The following VEGFC variants were observed in gnomAD, a reference collection of about 807,000 sequenced individuals.
The protein encoded by VEGFC is FLT4 ligand DHM.
Under a neutral mutation model 46.1 loss-of-function variants are expected in VEGFC, and 12 were observed. The ratio of observed to expected loss-of-function variants is 0.26; its 90% confidence interval spans 0.17 to 0.42. The LOEUF is 0.42. VEGFC is among the 10% of genes least tolerant of loss of function. VEGFC has a pLI of 1.00. For missense variants in VEGFC, 488 were observed against 529.4 expected (o/e 0.92, Z 0.77); for synonymous variants, 232 against 195.5 (o/e 1.19, Z -1.56).
intron 3 of VEGFC, among the ~76,000 whole-genome samples, chr4:176,716,603 A>G (rs1007912851): frequency 2.7e-5 from 4 of 149,902 alleles, no homozygotes; most frequent in Non-Finnish European, 4.4e-5. Flanking sequence ...AAAAAAAAAA[A>G]AAAGAAAAAG....
intron 4 of VEGFC, among the ~76,000 whole-genome samples, chr4:176,698,700 C>G (rs1411931056): frequency 2.0e-5 from 3 of 152,064 alleles, no homozygotes; most frequent in Non-Finnish European, 4.4e-5. Context: ...TTGTCACACT[C>G]TAACATTTCC....
chr4:176,713,543 T>C (rs1410302373), intron 3 of VEGFC, among the ~76,000 whole-genome samples: 1 of 152,162 alleles, frequency 6.6e-6, no homozygotes, highest in Non-Finnish European at 1.5e-5. Context: ...ATAATGTAGA[T>C]GGTAGGAAGG....
intron 4 of VEGFC, among the ~76,000 whole-genome samples, chr4:176,695,777 C>T (rs1378937904): frequency 1.3e-5 from 2 of 151,988 alleles, no homozygotes; most frequent in African/African-American, 4.8e-5. Flanking sequence ...AAAGCTTATC[C>T]ACCATGATCA....
intron 4 of VEGFC, among the ~76,000 whole-genome samples, chr4:176,707,488 C>A (rs1049162758): frequency 6.6e-6 from 1 of 151,834 alleles, no homozygotes; most frequent in Non-Finnish European, 1.5e-5. Context: ...GGGTTGAGAC[C>A]AATATTTTCA....
At chr4:176,748,103 G>T (rs532735186) in intron 1 of VEGFC, among the ~76,000 whole-genome samples, 1 of 152,172 alleles carries the variant, frequency 6.6e-6, no homozygotes, top group Non-Finnish European at 1.5e-5. Context: ...TGCCAAGACT[G>T]CAGCAAACTG....
chr4:176,736,218 A>C (rs1042610012), intron 1 of VEGFC, among the ~76,000 whole-genome samples: 1 of 151,854 alleles, frequency 6.6e-6, no homozygotes, highest in Non-Finnish European at 1.5e-5. Context: ...CTGTTTCTTA[A>C]AGTTCCCCCA....
intron 3 of VEGFC, among the ~76,000 whole-genome samples, chr4:176,716,298 G>A (rs997992753): frequency 3.9e-5 from 6 of 151,940 alleles, no homozygotes; most frequent in East Asian, 3.9e-4. Flanking sequence ...CAATGAGGGC[G>A]GGGCATGGTG....
intron 1 of VEGFC, among the ~76,000 whole-genome samples, chr4:176,772,968 CT>C (rs1469240291): frequency 2.6e-5 from 4 of 152,160 alleles, no homozygotes; most frequent in Non-Finnish European, 5.9e-5. Flanking sequence ...ATTCATTCTC[CT>C]TTCCTTCTTT....
In VEGFC at chr4:176,741,927, A is replaced by G. The variant is rs535095840; in HGVS notation, c.148-12181T>C. Among the ~76,000 whole-genome samples the G allele has an allele frequency of 7.9e-5, 12 of 152,118 alleles. No homozygotes were observed. In the East Asian group the frequency reaches 2.1e-3, roughly 27 times the overall value. On this transcript the variant is annotated intron_variant, in intron 1 of 6. Coordinates refer to ENST00000618562, the MANE Select transcript of VEGFC (RefSeq NM_005429.5). ...TTAAGAGGAAAATAGCGATATGCAG[A>G]TCAGAAATATTAATTCAAACCCTAG...
intron 1 of VEGFC, among the ~76,000 whole-genome samples, chr4:176,747,613 G>C (rs907200610): frequency 1.3e-5 from 2 of 151,882 alleles, no homozygotes; most frequent in African/African-American, 4.8e-5. Context: ...GCAATACAGC[G>C]AGACCCCCAT....
In VEGFC at chr4:176,711,481, G is replaced by C; in HGVS notation, c.704+18C>G. On this transcript the variant is annotated intron_variant, in intron 4 of 6. Coordinates refer to ENST00000618562, the MANE Select transcript of VEGFC (RefSeq NM_005429.5). ...ATTAGTAGAGGATGCAGAAAAAATA[G>C]ATTTAATTCATACTCACTGTGGTAG... 1 of 1,592,246 alleles carries C rather than the reference G, an allele frequency of 6.3e-7. No individual in the cohort carries two copies. Among genetic ancestry groups the C allele is most frequent in the Non-Finnish European group, 8.5e-7 (1 of 1,170,718 alleles).
At chr4:176,791,883 T>C (rs1736099648) in intron 1 of VEGFC, among the ~76,000 whole-genome samples, 1 of 152,190 alleles carries the variant, frequency 6.6e-6, no homozygotes, top group Non-Finnish European at 1.5e-5. Context: ...CAAGACCCCT[T>C]GGTTGCCCCA....
chr4:176,688,078 C>A, intron 4 of VEGFC, 151 bp from the exon 5 acceptor site: 1 of 536,636 alleles, frequency 1.9e-6, no homozygotes, highest in Non-Finnish European at 3.3e-6. Context: ...CTCCCAAACT[C>A]TCTCTACCCA....
intron 1 of VEGFC, among the ~76,000 whole-genome samples, chr4:176,734,764 C>T (rs887565277): frequency 4.0e-5 from 6 of 151,624 alleles, no homozygotes; most frequent in African/African-American, 1.5e-4. Flanking sequence ...TGAACATGTG[C>T]GTTTATTATA....
intron 1 of VEGFC, among the ~76,000 whole-genome samples, chr4:176,741,302 G>A (rs550227117): frequency 3.9e-5 from 6 of 152,048 alleles, no homozygotes; most frequent in East Asian, 3.9e-4. Flanking sequence ...GAATAATGAC[G>A]GGGTTTATGT....
chr4:176,759,711 G>A (rs567808882), intron 1 of VEGFC, among the ~76,000 whole-genome samples: 23 of 148,922 alleles, frequency 1.5e-4, no homozygotes, highest in African/African-American at 4.1e-4. Context: ...GCATATAGCC[G>A]AGTTTTCATT....
At chr4:176,700,413 G>GA (rs34323890) in intron 4 of VEGFC, among the ~76,000 whole-genome samples, 3,377 of 139,414 alleles carry the variant, frequency 0.024, 126 homozygotes, top group African/African-American at 0.078. Flanking sequence ...TGAGACTCTC[G>GA]AAAAAAAAAA....
Position 176,792,244 on chromosome 4 carries a change from C to T in VEGFC, c.68G>A (p.Arg23His), listed in dbSNP as rs1180804481. ...LLAAALLPGP[R>H]EAPAAAAAFE... ...GGCGGCGGCGGCGGCGGGCGCCTCGCGAGGACCCGGGAGCAGCGCAGCGGC... is the reference window on the plus strand; with the variant it reads ...GGCGGCGGCGGCGGCGGGCGCCTCGTGAGGACCCGGGAGCAGCGCAGCGGC... Residue 23 changes from arginine to histidine, a missense_variant, in exon 1 of 7, where the codon CGC becomes CAC. Coordinates refer to ENST00000618562, the MANE Select transcript of VEGFC (RefSeq NM_005429.5). This position sits in a 1 kb window ranked among gnomAD's most constrained non-coding sequence, Gnocchi z 6.3. The T allele has an allele frequency of 1.3e-6, 2 of 1,554,354 alleles. No homozygotes were observed. Among genetic ancestry groups the T allele is most frequent in the Non-Finnish European group, 1.7e-6 (2 of 1,153,492 alleles).
At chr4:176,750,068 T>C (rs535628605) in intron 1 of VEGFC, among the ~76,000 whole-genome samples, 1 of 151,946 alleles carries the variant, frequency 6.6e-6, no homozygotes, top group Non-Finnish European at 1.5e-5. Flanking sequence ...ACTAGAGATT[T>C]TTTTTATTTC....
Sources: allele counts gnomAD v4.1 joint callset (sites outside exome capture counted in the v4.1 genomes callset), GRCh38; gene constraint gnomAD v4.1.1; non-coding constraint Gnocchi (gnomAD v3.1); transcripts MANE v1.5; gene names NCBI Gene and HGNC (gene_info 2026-07-23, HGNC 2026-07-21).